The following GPA33 variants were observed in gnomAD, a reference collection of about 807,000 sequenced individuals.
GPA33 encodes the protein cell surface A33 antigen.
Under a neutral mutation model 35.6 loss-of-function variants are expected in GPA33, and 27 were observed. The ratio of observed to expected loss-of-function variants is 0.76; its 90% confidence interval spans 0.56 to 1.04. The LOEUF (loss-of-function observed/expected upper bound fraction) is 1.04, where lower values mean the gene tolerates loss of function less well. Among genes scored for constraint, GPA33 ranks in the 50% least tolerant of loss-of-function variants. The pLI, the probability that GPA33 is intolerant of heterozygous loss-of-function variation, is 0.00. For synonymous variants in GPA33, 176 were observed against 164.0 expected, an observed-to-expected ratio of 1.07 and a Z score of -0.56; for missense variants, 428 against 411.9, an observed-to-expected ratio of 1.04 and a Z score of -0.34.
At chr1:167,073,616 C>T (rs1257841158) in intron 1 of GPA33, 77 bp from the exon 2 acceptor site, 5 of 1,284,432 alleles carry the variant, frequency 3.9e-6, no homozygotes, top group Non-Finnish European at 5.5e-6. Flanking sequence ...CACAGGACCA[C>T]TGAGGGAATG....
intron 1 of GPA33, among the ~76,000 whole-genome samples, chr1:167,074,743 G>A (rs958461855): frequency 6.6e-6 from 1 of 151,770 alleles, no homozygotes; most frequent in African/African-American, 2.4e-5. Flanking sequence ...TGTAGTGGGA[G>A]GGAAGTGAGT....
chr1:167,078,305 A>C (rs1220743789), intron 1 of GPA33, among the ~76,000 whole-genome samples: 1 of 152,200 alleles, frequency 6.6e-6, no homozygotes, highest in Non-Finnish European at 1.5e-5. Context: ...ATGGACATAG[A>C]CTAGCTTCAC....
At chr1:167,057,584 T>C (rs973904146) in intron 4 of GPA33, among the ~76,000 whole-genome samples, 2 of 152,186 alleles carry the variant, frequency 1.3e-5, no homozygotes, top group Non-Finnish European at 2.9e-5. Flanking sequence ...CTGTCAATCA[T>C]ACCAGCTTTG....
At chr1:167,075,628 A>G (rs1168525330) in intron 1 of GPA33, among the ~76,000 whole-genome samples, 2 of 152,200 alleles carry the variant, frequency 1.3e-5, no homozygotes, top group Non-Finnish European at 2.9e-5. Flanking sequence ...TGAGGCAGTT[A>G]TGTAAGTCTG....
chr1:167,074,525 C>G (rs992180832), intron 1 of GPA33, among the ~76,000 whole-genome samples: 6 of 152,058 alleles, frequency 3.9e-5, no homozygotes, highest in Non-Finnish European at 8.8e-5. Context: ...CAGATCCCTG[C>G]CCAAATTGAA....
intron 1 of GPA33, among the ~76,000 whole-genome samples, chr1:167,077,451 C>T (rs1318060574): frequency 1.3e-5 from 2 of 152,272 alleles, no homozygotes; most frequent in African/African-American, 2.4e-5. Context: ...GCTGTCCTCA[C>T]GGTGACCACT....
Position 167,090,217 on chromosome 1 carries a change from G to A in GPA33, c.43+28C>T, listed in dbSNP as rs371532773. 3 of 1,570,614 alleles carry A rather than the reference G, an allele frequency of 1.9e-6. No homozygotes were observed. In the Admixed American group the frequency reaches 5.0e-5, roughly 26 times the overall value. On this transcript the variant is annotated intron_variant, in intron 1 of 6. Coordinates refer to ENST00000367868, the MANE Select transcript of GPA33 (RefSeq NM_005814.3). ...GTCCCCATGTCTCACCCACCCCTGGGCACTGGAGAGAAAAGGGGCCTACTC... is the reference window on the plus strand; with the variant it reads ...GTCCCCATGTCTCACCCACCCCTGGACACTGGAGAGAAAAGGGGCCTACTC...
intron 4 of GPA33, among the ~76,000 whole-genome samples, chr1:167,056,835 T>A (rs1398535901): frequency 2.2e-3 from 4 of 1,838 alleles, no homozygotes; most frequent in Non-Finnish European, 4.1e-3. Context: ...GTAGTGTGTG[T>A]GGTGAGTGTG....
At chr1:167,080,978 G>A (rs1163163809) in intron 1 of GPA33, among the ~76,000 whole-genome samples, 1 of 152,134 alleles carries the variant, frequency 6.6e-6, no homozygotes, top group Non-Finnish European at 1.5e-5. Flanking sequence ...GTAAAATAAA[G>A]GACCAAAGGA....
At chr1:167,084,460 C>T (rs551065005) in intron 1 of GPA33, among the ~76,000 whole-genome samples, 1 of 152,298 alleles carries the variant, frequency 6.6e-6, no homozygotes, top group South Asian at 2.1e-4. Context: ...AAACTGCTCT[C>T]AACAAAAGGT....
chr1:167,056,598 TGTGG>T, intron 4 of GPA33, among the ~76,000 whole-genome samples: 1 of 46,474 alleles, frequency 2.2e-5, no homozygotes, highest in Non-Finnish European at 4.9e-5. Flanking sequence ...TATGTGTGTA[TGTGG>T]TGTGTGTAGT....
chr1:167,055,708 T>TC (rs556015628), intron 5 of GPA33, 22 bp downstream of exon 5: 4 of 1,610,966 alleles, frequency 2.5e-6, no homozygotes, highest in Admixed American at 3.3e-5. Context: ...TTGTCAGCCC[T>TC]CCCCCCGCAG....
chr1:167,055,840 T>A lies in GPA33; in HGVS notation c.581A>T (p.Gln194Leu). ...EQPLAQPASG[Q>L]PVSLKNISTD... is the part of the protein sequence containing the mutation. ...GGAGATATTCTTCAGGGAGACAGGC[T>A]GACCTGAGGCTGCAGGGGAAGAAGA... The change falls in exon 5 of 7, where the codon CAG becomes CTG. Residue 194 changes from glutamine to leucine, a missense_variant. Physicochemically the swap from Gln to Leu is moderately radical, Grantham distance 113 (BLOSUM62 -2). Coordinates refer to ENST00000367868, the MANE Select transcript of GPA33 (RefSeq NM_005814.3). 2.5e-6 allele frequency: 4 copies of A among 1,613,984 alleles called. No individual in the cohort carries two copies. The highest frequency in any genetic ancestry group is 3.4e-6 in the Non-Finnish European group (4 of 1,179,886).
intron 3 of GPA33, among the ~76,000 whole-genome samples, chr1:167,066,035 A>C (rs1242346108): frequency 1.3e-5 from 2 of 152,204 alleles, no homozygotes; most frequent in Non-Finnish European, 2.9e-5. Context: ...TGAGCTTTTC[A>C]GAGGTACGGG....
chr1:167,073,521 G>A lies in GPA33; in HGVS notation c.62C>T (p.Ala21Val), dbSNP rs1311485565. ...TLCAVRVTVD[A>V]ISVETPQDVL... ...GTCCTGCGGAGTTTCCACAGAGATG[G>A]CATCGACGGTCACCCTGACTGGAAA... The change falls in exon 2 of 7, where the codon GCC becomes GTC. Residue 21 changes from alanine (A) to valine (V), a missense_variant. Physicochemically the swap from Ala to Val is moderately conservative, Grantham distance 64 (BLOSUM62 0). Coordinates refer to ENST00000367868, the MANE Select transcript of GPA33 (RefSeq NM_005814.3). 2 of 1,613,678 alleles carry A rather than the reference G, an allele frequency of 1.2e-6. No homozygotes were observed. Among genetic ancestry groups the A allele is most frequent in the Non-Finnish European group, 1.7e-6 (2 of 1,179,750 alleles).
chr1:167,059,575 C>T (rs907131827), intron 4 of GPA33, among the ~76,000 whole-genome samples: 1 of 151,974 alleles, frequency 6.6e-6, no homozygotes, highest in African/African-American at 2.4e-5. Flanking sequence ...CTGGTCCCCA[C>T]CCTTCACAAC....
chr1:167,054,160 G>A lies in GPA33; in HGVS notation c.*174C>T, dbSNP rs1666176994. The A allele has an allele frequency of 1.3e-6, 1 of 779,848 alleles. No individual in the cohort carries two copies. The highest frequency in any genetic ancestry group is 2.6e-5 in the Admixed American group (1 of 38,112). 48.3% of individuals were successfully genotyped at this position (779,848 alleles called of 1,614,324 possible). ...AGTGAGGTCAGCAGGATCAGCACAG[G>A]GACCCCCTTACCAGGCCAGCCATGT... On this transcript the variant is annotated 3_prime_UTR_variant, in exon 7 of 7. Transcript: ENST00000367868.
chr1:167,089,258 C>CG (rs1667112137), intron 1 of GPA33, among the ~76,000 whole-genome samples: 1 of 152,104 alleles, frequency 6.6e-6, no homozygotes, highest in Non-Finnish European at 1.5e-5. Context: ...CCCCGTGGCC[C>CG]GGGGCTTTCC....
At chr1:167,068,771 G>A (rs1666652521) in intron 3 of GPA33, 151 bp downstream of exon 3, 4 of 617,752 alleles carry the variant, frequency 6.5e-6, no homozygotes, top group South Asian at 1.9e-5. Flanking sequence ...AGGGAGGAGC[G>A]GTCCCTCTGC....
Sources: gnomAD v4.1 joint callset for allele counts (sites outside exome capture counted in the v4.1 genomes callset) on GRCh38, gnomAD v4.1.1 for gene constraint, MANE v1.5 for transcripts, NCBI Gene and HGNC (gene_info 2026-07-23, HGNC 2026-07-21) for gene names.